The following MTG1 variants were observed in gnomAD, a reference collection of about 807,000 sequenced individuals.
MTG1 encodes mitochondrial ribosome-associated GTPase 1.
In MTG1, 30 loss-of-function variants were observed where a neutral mutation model predicts 39.5. The observed-to-expected ratio is 0.76, with a 90% CI of 0.57 to 1.03. The LOEUF (loss-of-function observed/expected upper bound fraction) is 1.03. Ranked by LOEUF, MTG1 falls within the 50% of genes least tolerant of loss-of-function variation. The pLI, the probability that MTG1 is intolerant of heterozygous loss-of-function variation, is 0.00. For synonymous variants in MTG1, 217 were observed against 179.0 expected, an observed-to-expected ratio of 1.21 and a Z score of -1.69; for missense variants, 513 against 447.4, an observed-to-expected ratio of 1.15 and a Z score of -1.32.
intron 6 of MTG1, among the ~76,000 whole-genome samples, chr10:133,400,562 CTG>C (rs1260175034): frequency 6.6e-6 from 1 of 152,218 alleles, no homozygotes; most frequent in African/African-American, 2.4e-5. Context: ...CTACGGTGAA[CTG>C]TTATTTTACA....
intron 9 of MTG1, among the ~76,000 whole-genome samples, chr10:133,407,457 T>G (rs1483312328): frequency 6.6e-6 from 1 of 152,220 alleles, no homozygotes; most frequent in Non-Finnish European, 1.5e-5. Context: ...CTCTTCAATT[T>G]CTTTTATCAG....
intron 6 of MTG1, 127 bp downstream of exon 6, chr10:133,399,746 GC>G: frequency 1.1e-6 from 1 of 905,832 alleles, no homozygotes. Context: ...TGACCCCGCA[GC>G]CCCAGAGCAC....
intron 1 of MTG1, chr10:133,394,595 C>T (rs959764099): frequency 1.1e-5 from 15 of 1,306,182 alleles, no homozygotes; most frequent in African/African-American, 1.6e-5. Flanking sequence ...TGACCTCCTA[C>T]CTCTGGCCCG....
At chr10:133,400,476 G>A (rs1306567546) in intron 6 of MTG1, among the ~76,000 whole-genome samples, 1 of 152,318 alleles carries the variant, frequency 6.6e-6, no homozygotes, top group Admixed American at 6.5e-5. Context: ...TCAAGTCCTT[G>A]TTGGCTTCAT....
intron 1 of MTG1, among the ~76,000 whole-genome samples, 191 bp from the exon 2 acceptor site, chr10:133,395,522 C>T (rs1392162095): frequency 2.0e-5 from 3 of 152,224 alleles, no homozygotes; most frequent in Non-Finnish European, 4.4e-5. Flanking sequence ...CCCAGTCTCC[C>T]ACTCCGAGGG....
chr10:133,394,621 G>C (rs1487949596), intron 1 of MTG1: 1 of 1,268,020 alleles, frequency 7.9e-7, no homozygotes, highest in Non-Finnish European at 9.9e-7. Context: ...CCTGTCCTCT[G>C]TTCCCAGCAA....
At chr10:133,399,678 C>T in intron 6 of MTG1, 59 bp downstream of exon 6, 3 of 1,541,906 alleles carry the variant, frequency 1.9e-6, no homozygotes, top group Admixed American at 1.7e-5. Flanking sequence ...GGCTGATGTG[C>T]TGATGCCACC....
Position 133,400,903 on chromosome 10 carries a change from T to C in MTG1, c.512-626T>C, listed in dbSNP as rs1849865234. Among the ~76,000 whole-genome samples the C allele has an allele frequency of 3.9e-5, 6 of 152,276 alleles. 1 individual carries two copies. The highest frequency in any genetic ancestry group is 3.9e-4 in the Admixed American group (6 of 15,290). On this transcript the variant is annotated intron_variant, in intron 6 of 10. Transcript: ENST00000317502. ...TGATGTCCTCAAGGTTCGTCTGTGT[T>C]GTCCTGAGTGTCAGAATTTTATTCC...
At chr10:133,406,444 A>G (rs565883990) in intron 9 of MTG1, among the ~76,000 whole-genome samples, 2 of 152,116 alleles carry the variant, frequency 1.3e-5, no homozygotes, top group African/African-American at 4.8e-5. Flanking sequence ...GGCACGTACC[A>G]CCATGCCTGG....
intron 9 of MTG1, among the ~76,000 whole-genome samples, chr10:133,403,037 A>G (rs1849911342): frequency 7.0e-6 from 1 of 142,020 alleles, no homozygotes; most frequent in Non-Finnish European, 1.5e-5. Flanking sequence ...CGTTCCCGTC[A>G]CCCCCCATCC....
At position 133,419,892 on chromosome 10, in the gene MTG1, C is replaced by G. The variant is rs1296447111; in HGVS notation, c.866-134C>G. Reference sequence around the variant, plus strand: ...CAGCGTAGCTCAAGCTGTTTTCTTTCTGAGTGTGATCCCGTTCCCTGGGCT... The same window carrying G: ...CAGCGTAGCTCAAGCTGTTTTCTTTGTGAGTGTGATCCCGTTCCCTGGGCT... On this transcript the variant is annotated intron_variant, in intron 10 of 10. Coordinates refer to ENST00000317502, the MANE Select transcript of MTG1 (RefSeq NM_138384.4). The G allele has an allele frequency of 1.2e-5, 14 of 1,120,946 alleles. No individual in the cohort carries two copies. The East Asian group carries it at 2.9e-4, about 23-fold the overall frequency. 69.4% of individuals were successfully genotyped at this position (1,120,946 alleles called of 1,614,324 possible). A position where few individuals can be genotyped will look rare whatever the true frequency, so the allele number is the denominator to read the frequency against.
chr10:133,396,325 T>C, intron 3 of MTG1, 58 bp downstream of exon 3: 1 of 1,460,622 alleles, frequency 6.8e-7, no homozygotes, highest in Non-Finnish European at 9.6e-7. Context: ...CCGAGGTCGC[T>C]TGTTCTAACG....
At chr10:133,414,680 C>T (rs1468622246) in intron 9 of MTG1, among the ~76,000 whole-genome samples, 5 of 143,882 alleles carry the variant, frequency 3.5e-5, no homozygotes, top group East Asian at 2.1e-4. Flanking sequence ...ACATCCCAGA[C>T]GATGGGCGGC....
intron 1 of MTG1, chr10:133,394,754 A>G (rs1326258271): frequency 1.0e-6 from 1 of 998,344 alleles, no homozygotes; most frequent in East Asian, 1.1e-4. Context: ...GTTCAGTTTT[A>G]ACTGGTATCT....
chr10:133,417,732 T>A (rs1471522088), intron 9 of MTG1, among the ~76,000 whole-genome samples: 1 of 152,038 alleles, frequency 6.6e-6, no homozygotes, highest in South Asian at 2.1e-4. Flanking sequence ...TATACACCAA[T>A]AACAGACAAA....
intron 9 of MTG1, among the ~76,000 whole-genome samples, chr10:133,418,373 G>T (rs1850167481): frequency 6.6e-6 from 1 of 151,918 alleles, no homozygotes; most frequent in African/African-American, 2.4e-5. Context: ...AAAAATTCTT[G>T]AGCTTTGTTG....
intron 1 of MTG1, among the ~76,000 whole-genome samples, chr10:133,395,082 T>C (rs1195169757): frequency 6.6e-6 from 1 of 152,214 alleles, no homozygotes; most frequent in African/African-American, 2.4e-5. Context: ...AGTGTTACTC[T>C]GTGTTATAGC....
At chr10:133,394,483 A>C (rs1589906261) in intron 1 of MTG1, 151 bp downstream of exon 1, 5 of 1,309,804 alleles carry the variant, frequency 3.8e-6, no homozygotes, top group African/African-American at 3.3e-5. Context: ...CCCCGCTCTC[A>C]CCCGCTCCCG....
chr10:133,402,023 A>T lies in MTG1; in HGVS notation c.574-126A>T. 3.0e-6 allele frequency: 3 copies of T among 1,016,196 alleles called. No homozygotes were observed. Among genetic ancestry groups the T allele is most frequent in the Non-Finnish European group, 4.5e-6 (3 of 665,800 alleles). 62.9% of individuals were successfully genotyped at this position (1,016,196 alleles called of 1,614,324 possible). A position where few individuals can be genotyped will look rare whatever the true frequency, so the allele number is the denominator to read the frequency against. On this transcript the variant is annotated intron_variant, in intron 7 of 10. Transcript: ENST00000317502. The surrounding 1 kb of genome is among the most constrained non-coding windows in gnomAD (Gnocchi z 4.7). ...GGAGCTTGGTGAGAGTGACGCTGCC[A>T]TGGGGTTGGGTCCCTGAGGCCTTCC...
Sources: allele counts gnomAD v4.1 joint callset (sites outside exome capture counted in the v4.1 genomes callset), GRCh38; gene constraint gnomAD v4.1.1; non-coding constraint Gnocchi (gnomAD v3.1); transcripts MANE v1.5; gene names NCBI Gene and HGNC (gene_info 2026-07-23, HGNC 2026-07-21).